Variants in PCGF6 observed in about 807,000 individuals in gnomAD.
The protein encoded by PCGF6 is polycomb group ring finger 6, also known as polycomb group RING finger protein 6.
A neutral mutation model predicts 45.5 loss-of-function variants in PCGF6; 24 were observed. The observed-to-expected ratio is 0.53, with a 90% confidence interval of 0.38 to 0.74. PCGF6 has a LOEUF of 0.74. Among genes scored for constraint, PCGF6 ranks in the 30% least tolerant of loss-of-function variants. The pLI is 0.00. For missense variants in PCGF6, 356 were observed against 443.2 expected, an observed-to-expected ratio of 0.80 and a Z score of 1.77; for synonymous variants, 152 against 162.1, an observed-to-expected ratio of 0.94 and a Z score of 0.47.
chr10:103,306,426 T>C (rs1240855398), intron 9 of PCGF6, among the ~76,000 whole-genome samples: 1 of 152,168 alleles, frequency 6.6e-6, no homozygotes, highest in East Asian at 1.9e-4. Context: ...GGACTATTTC[T>C]AATTTCCTGC....
intron 9 of PCGF6, among the ~76,000 whole-genome samples, chr10:103,305,420 G>A (rs1375806646): frequency 1.3e-5 from 2 of 151,918 alleles, no homozygotes; most frequent in Non-Finnish European, 2.9e-5. Context: ...ACAGGGGCCC[G>A]CCATCACGCC....
At chr10:103,346,565 A>C (rs912023532) in intron 5 of PCGF6, among the ~76,000 whole-genome samples, 1 of 152,078 alleles carries the variant, frequency 6.6e-6, no homozygotes, top group African/African-American at 2.4e-5. Flanking sequence ...CGGAGGTTGC[A>C]GTGAGCCAAG....
intron 9 of PCGF6, among the ~76,000 whole-genome samples, chr10:103,307,473 T>C (rs1297908123): frequency 1.3e-5 from 2 of 152,092 alleles, no homozygotes; most frequent in African/African-American, 4.8e-5. Context: ...AGAAAGTTTG[T>C]TTATTTCATT....
chr10:103,317,652 T>C (rs2093180864), intron 8 of PCGF6, among the ~76,000 whole-genome samples: 1 of 151,502 alleles, frequency 6.6e-6, no homozygotes, highest in Non-Finnish European at 1.5e-5. Context: ...AATAAATAAA[T>C]AAATAAAAAG....
chr10:103,345,477 T>C (rs969545741), intron 5 of PCGF6, among the ~76,000 whole-genome samples: 1 of 151,602 alleles, frequency 6.6e-6, no homozygotes, highest in Non-Finnish European at 1.5e-5. Context: ...GTCCTTACTA[T>C]AGTCCCATGA....
chr10:103,335,250 C>T (rs902233635), intron 6 of PCGF6, among the ~76,000 whole-genome samples: 3 of 151,806 alleles, frequency 2.0e-5, no homozygotes, highest in East Asian at 1.9e-4. Flanking sequence ...GATAGGGTCT[C>T]GCTGTGTTGG....
chr10:103,321,803 G>A (rs1487753378), intron 8 of PCGF6, among the ~76,000 whole-genome samples: 1 of 151,922 alleles, frequency 6.6e-6, no homozygotes, highest in Non-Finnish European at 1.5e-5. Flanking sequence ...GTGAGGTAAT[G>A]GTATGTTAAT....
chr10:103,328,577 T>C (rs561260363), intron 7 of PCGF6, among the ~76,000 whole-genome samples: 6 of 152,226 alleles, frequency 3.9e-5, no homozygotes, highest in East Asian at 1.9e-4. Flanking sequence ...ATTTGTAAAA[T>C]AGATAAAAAT....
intron 9 of PCGF6, among the ~76,000 whole-genome samples, chr10:103,313,869 T>C (rs1251441360): frequency 6.6e-6 from 1 of 152,184 alleles, no homozygotes; most frequent in Non-Finnish European, 1.5e-5. Flanking sequence ...GCCTAGAGTC[T>C]GAGCCCTGTC....
chr10:103,337,906 T>A (rs2093263322), intron 6 of PCGF6, among the ~76,000 whole-genome samples: 1 of 106,686 alleles, frequency 9.4e-6, no homozygotes, highest in Non-Finnish European at 2.0e-5. Context: ...CTACTAAAAA[T>A]ACAAAAAATT....
intron 3 of PCGF6, 86 bp from the exon 4 acceptor site, chr10:103,347,536 G>A (rs1293791218): frequency 3.7e-6 from 4 of 1,086,936 alleles, no homozygotes; most frequent in Admixed American, 4.6e-5. Context: ...TTTCTCTTGA[G>A]AGTGGGTATC....
rs557293262 is a variant in PCGF6 at position 103,310,273 on chromosome 10, AAAAG to A, written c.996+3909_996+3912del. ...GGCCCAACCATGTCTTAAAAAAAAA[AAAAG>A]AAAGAAAGAAAAGAGAAAACTAATC... On this transcript the variant is annotated intron_variant, in intron 9 of 9. Coordinates refer to ENST00000369847, the MANE Select transcript of PCGF6 (RefSeq NM_001011663.2). Among the ~76,000 whole-genome samples the A allele has an allele frequency of 2.1e-3, 318 of 151,878 alleles. 4 individuals are homozygous for A. Among genetic ancestry groups the A allele is most frequent in the East Asian group, 7.4e-3 (38 of 5,166 alleles).
At chr10:103,309,946 T>C (rs2093151051) in intron 9 of PCGF6, among the ~76,000 whole-genome samples, 1 of 149,900 alleles carries the variant, frequency 6.7e-6, no homozygotes. Flanking sequence ...GAGTGAGACC[T>C]TGTCTTTCTT....
At chr10:103,305,919 G>T (rs937702866) in intron 9 of PCGF6, among the ~76,000 whole-genome samples, 1 of 150,492 alleles carries the variant, frequency 6.6e-6, no homozygotes, top group Admixed American at 6.6e-5. Context: ...AAAGGAAAAA[G>T]AATTTTTTAA....
At chr10:103,345,665 T>C (rs2093296359) in intron 5 of PCGF6, among the ~76,000 whole-genome samples, 1 of 150,832 alleles carries the variant, frequency 6.6e-6, no homozygotes, top group Non-Finnish European at 1.5e-5. Context: ...CTGCCCCTAC[T>C]AAAAATACAA....
At chr10:103,326,488 G>A in intron 8 of PCGF6, 46 bp downstream of exon 8, 1 of 1,262,280 alleles carries the variant, frequency 7.9e-7, no homozygotes, top group Non-Finnish European at 1.1e-6. Flanking sequence ...GTGTGCTAAA[G>A]GTAAGCTCAC....
intron 8 of PCGF6, among the ~76,000 whole-genome samples, chr10:103,324,529 C>A (rs1445449290): frequency 2.7e-5 from 4 of 147,634 alleles, no homozygotes; most frequent in African/African-American, 1.0e-4. Context: ...GAGGCCGAGG[C>A]GGGAGGATCA....
intron 9 of PCGF6, among the ~76,000 whole-genome samples, chr10:103,305,708 C>T (rs2093135906): frequency 6.6e-6 from 1 of 152,148 alleles, no homozygotes; most frequent in African/African-American, 2.4e-5. Flanking sequence ...GAAACACTTA[C>T]TCATTTAATG....
chr10:103,319,252 C>A (rs959499472), intron 8 of PCGF6, among the ~76,000 whole-genome samples: 1 of 151,904 alleles, frequency 6.6e-6, no homozygotes, highest in Non-Finnish European at 1.5e-5. Flanking sequence ...TGGGTTCAAG[C>A]GATTCTCCTG....
Sources: allele counts gnomAD v4.1 joint callset (sites outside exome capture counted in the v4.1 genomes callset), GRCh38; gene constraint gnomAD v4.1.1; transcripts MANE v1.5; gene names NCBI Gene and HGNC (gene_info 2026-07-23, HGNC 2026-07-21).